The following SPATA16 variants were observed in gnomAD, a reference collection of about 807,000 sequenced individuals.
The protein encoded by SPATA16 is spermatogenesis-associated protein 16.
In SPATA16, 36 loss-of-function variants were observed where a neutral mutation model predicts 63.3. The observed-to-expected ratio is 0.57, with a 90% CI of 0.44 to 0.75. The LOEUF is 0.75. Among genes scored for constraint, SPATA16 ranks in the 30% least tolerant of loss-of-function variants. The pLI is 0.00. For missense variants in SPATA16, 646 were observed against 679.3 expected (o/e 0.95, Z 0.54); for synonymous variants, 203 against 216.7 (o/e 0.94, Z 0.56).
At chr3:172,978,853 A>C (rs1019194439) in intron 4 of SPATA16, among the ~76,000 whole-genome samples, 2 of 152,230 alleles carry the variant, frequency 1.3e-5, no homozygotes, top group African/African-American at 4.8e-5. Flanking sequence ...GATTTTATTT[A>C]CAAAAAACAG....
At chr3:173,078,929 G>C (rs1165465815) in intron 2 of SPATA16, among the ~76,000 whole-genome samples, 2 of 152,146 alleles carry the variant, frequency 1.3e-5, no homozygotes, top group Admixed American at 1.3e-4. Context: ...CTGCAGACAA[G>C]TAGGAGGAAA....
At position 173,132,003 on chromosome 3, in the gene SPATA16, A is replaced by G. The variant is rs553559756; in HGVS notation, c.-19+9100T>C. Among the ~76,000 whole-genome samples, 6 of 152,244 alleles carry G rather than the reference A, an allele frequency of 3.9e-5. No homozygotes were observed. The South Asian group carries it at 1.2e-3, about 32-fold the overall frequency. Reference sequence around the variant, plus strand: ...ATGAAAAAGTAAACACTAGAAACCTACCTGTGGCTGATCAAGACATTAGAG... The same window carrying G: ...ATGAAAAAGTAAACACTAGAAACCTGCCTGTGGCTGATCAAGACATTAGAG... On this transcript the variant is annotated intron_variant, in intron 1 of 10. Transcript: ENST00000351008.
At chr3:173,114,229 G>A (rs979727408) in intron 2 of SPATA16, among the ~76,000 whole-genome samples, 3 of 148,336 alleles carry the variant, frequency 2.0e-5, no homozygotes, top group African/African-American at 7.5e-5. Context: ...CTCATAGCAA[G>A]CCTTCTATGG....
At chr3:173,015,124 C>A (rs1735152539) in intron 4 of SPATA16, among the ~76,000 whole-genome samples, 1 of 150,012 alleles carries the variant, frequency 6.7e-6, no homozygotes, top group Admixed American at 6.6e-5. Flanking sequence ...ACTGCAATGG[C>A]ACGATCTCCA....
intron 2 of SPATA16, among the ~76,000 whole-genome samples, chr3:173,077,974 T>G (rs1055052426): frequency 6.6e-6 from 1 of 152,130 alleles, no homozygotes; most frequent in Admixed American, 6.6e-5. Flanking sequence ...CATGAGGAAA[T>G]GTGATAATTA....
chr3:172,901,253 G>A (rs1366868623), intron 10 of SPATA16, among the ~76,000 whole-genome samples: 1 of 152,136 alleles, frequency 6.6e-6, no homozygotes, highest in Non-Finnish European at 1.5e-5. Context: ...AGGCTGGAGT[G>A]CAATCGCATG....
intron 4 of SPATA16, among the ~76,000 whole-genome samples, chr3:172,978,161 C>CTATATATA (rs56787481): frequency 6.8e-6 from 1 of 147,230 alleles, no homozygotes; most frequent in African/African-American, 2.5e-5. Flanking sequence ...CTCTCTCTCT[C>CTATATATA]TATATATATA....
At chr3:172,949,052 G>A (rs185737753) in intron 6 of SPATA16, among the ~76,000 whole-genome samples, 2 of 152,064 alleles carry the variant, frequency 1.3e-5, no homozygotes, top group Admixed American at 1.3e-4. Context: ...ACCTTGGTAG[G>A]GGGTAGGGAG....
chr3:173,139,290 G>A (rs577178662), intron 1 of SPATA16, among the ~76,000 whole-genome samples: 32 of 152,182 alleles, frequency 2.1e-4, no homozygotes, highest in African/African-American at 7.5e-4. Context: ...CTCATTCATT[G>A]CATATATTTT....
At chr3:173,060,083 C>A (rs1736343274) in intron 2 of SPATA16, among the ~76,000 whole-genome samples, 1 of 151,536 alleles carries the variant, frequency 6.6e-6, no homozygotes, top group Non-Finnish European at 1.5e-5. Context: ...ATGGTGAAAC[C>A]CGGTCTCTAC....
intron 8 of SPATA16, among the ~76,000 whole-genome samples, chr3:172,918,560 T>G (rs966058076): frequency 6.6e-6 from 1 of 152,048 alleles, no homozygotes; most frequent in Non-Finnish European, 1.5e-5. Context: ...TAGGGGTTTT[T>G]GAAAGACAAA....
Position 172,923,190 on chromosome 3 carries a change from A to G in SPATA16, c.1338+1018T>C, listed in dbSNP as rs147102857. Among the ~76,000 whole-genome samples, 862 of 152,286 alleles carry G rather than the reference A, an allele frequency of 5.7e-3. 6 individuals carry two copies. The highest frequency in any genetic ancestry group is 0.02 in the African/African-American group (834 of 41,556). On this transcript the variant is annotated intron_variant, in intron 8 of 10. Coordinates refer to ENST00000351008, the MANE Select transcript of SPATA16 (RefSeq NM_031955.6). ...TGTTTTGTTATGGCAGCCTGAGCTGACTAAGGTAGAGATGGATTTCTTATT... is the reference window on the plus strand; with the variant it reads ...TGTTTTGTTATGGCAGCCTGAGCTGGCTAAGGTAGAGATGGATTTCTTATT...
intron 3 of SPATA16, among the ~76,000 whole-genome samples, chr3:173,034,169 A>G (rs1028835085): frequency 4.6e-5 from 7 of 152,196 alleles, no homozygotes; most frequent in Admixed American, 2.6e-4. Context: ...AGGTAAATAC[A>G]TACTTAAACT....
At chr3:172,969,903 A>G (rs16846345) in intron 5 of SPATA16, among the ~76,000 whole-genome samples, 4,308 of 152,282 alleles carry the variant, frequency 0.028, 175 homozygotes, top group African/African-American at 0.099. Context: ...ATTTTGCCAT[A>G]AAAAGAACTT....
intron 10 of SPATA16, among the ~76,000 whole-genome samples, chr3:172,911,114 T>A (rs1391506747): frequency 6.6e-6 from 1 of 152,250 alleles, no homozygotes; most frequent in Non-Finnish European, 1.5e-5. Flanking sequence ...TACTTCTGTC[T>A]GCTTTAGGGT....
chr3:172,935,286 C>T (rs550356887), intron 6 of SPATA16, among the ~76,000 whole-genome samples: 1 of 152,256 alleles, frequency 6.6e-6, no homozygotes, highest in Admixed American at 6.5e-5. Flanking sequence ...GCTGTGAGCA[C>T]ACCTGCGAAT....
intron 4 of SPATA16, among the ~76,000 whole-genome samples, chr3:172,994,525 A>G (rs971649496): frequency 4.7e-5 from 7 of 150,482 alleles, no homozygotes; most frequent in African/African-American, 1.8e-4. Context: ...TCAGTACTGA[A>G]ATCTGTGTGT....
rs142698136 is a variant in SPATA16, at chr3:172,940,691, A to G, written c.1082-15199T>C. 1.9e-4 allele frequency among the ~76,000 whole-genome samples: 29 copies of G among 152,342 alleles called. No individual in the cohort carries two copies. In the East Asian group the frequency reaches 5.0e-3, roughly 26 times the overall value. Reference sequence around the variant, plus strand: ...TACCTCTGAACTTAAAATAAATGTTAAATTTAACAAAAGGGCTGGGTGCAG... The same window carrying G: ...TACCTCTGAACTTAAAATAAATGTTGAATTTAACAAAAGGGCTGGGTGCAG... On this transcript the variant is annotated intron_variant, in intron 6 of 10. Transcript: ENST00000351008.
Position 173,117,732 on chromosome 3 carries a change from C to T in SPATA16, c.-1G>A, listed in dbSNP as rs778597503. On this transcript the variant is annotated 5_prime_UTR_variant, in exon 2 of 11. Coordinates refer to ENST00000351008, the MANE Select transcript of SPATA16 (RefSeq NM_031955.6). ...AACTCCTACTGCTTCCTGCATCCAT[C>T]GATCCTGCCCAAAACTCCTGCAGGG... The T allele has an allele frequency of 5.0e-6, 8 of 1,614,098 alleles. No individual in the cohort carries two copies. Among genetic ancestry groups the T allele is most frequent in the Non-Finnish European group, 4.2e-6 (5 of 1,179,978 alleles).
Sources: allele counts gnomAD v4.1 joint callset (sites outside exome capture counted in the v4.1 genomes callset), GRCh38; gene constraint gnomAD v4.1.1; transcripts MANE v1.5; gene names NCBI Gene and HGNC (gene_info 2026-07-23, HGNC 2026-07-21).